SUMF1: variants seen among roughly 807,000 people sequenced by gnomAD.
The protein encoded by SUMF1 is formylglycine-generating enzyme.
A neutral mutation model predicts 47.6 loss-of-function variants in SUMF1; 48 were observed. The observed-to-expected ratio is 1.01, with a 90% CI of 0.80 to 1.28. The LOEUF (loss-of-function observed/expected upper bound fraction) is 1.28. Among genes scored for constraint, SUMF1 ranks in the 50% most tolerant of loss-of-function variants. The pLI is 0.00. For missense variants in SUMF1, 571 were observed against 485.4 expected, an observed-to-expected ratio of 1.18 and a Z score of -1.66; for synonymous variants, 230 against 192.1, an observed-to-expected ratio of 1.20 and a Z score of -1.63.
intron 8 of SUMF1, among the ~76,000 whole-genome samples, chr3:4,265,626 T>A (rs1697176489): frequency 6.6e-6 from 1 of 152,294 alleles, no homozygotes; most frequent in South Asian, 2.1e-4. Context: ...ATTCTGGATA[T>A]TAGCCCTTTG....
intron 8 of SUMF1, among the ~76,000 whole-genome samples, chr3:4,296,467 G>C (rs1201729677): frequency 2.1e-5 from 3 of 145,286 alleles, no homozygotes; most frequent in Non-Finnish European, 3.1e-5. Flanking sequence ...TGGACTCACA[G>C]TTTCACATGG....
chr3:4,420,833 C>T (rs1701875415), intron 3 of SUMF1, among the ~76,000 whole-genome samples: 1 of 152,144 alleles, frequency 6.6e-6, no homozygotes, highest in Admixed American at 6.5e-5. Context: ...TAAAGGTCAA[C>T]CATGGTGGTC....
chr3:4,254,299 A>G (rs1184312208), intron 8 of SUMF1, among the ~76,000 whole-genome samples: 8 of 151,944 alleles, frequency 5.3e-5, no homozygotes, highest in South Asian at 2.1e-4. Flanking sequence ...AAGGCTTCAG[A>G]CGATCAAATT....
At chr3:4,184,780 C>T (rs1270111154) in intron 8 of SUMF1, among the ~76,000 whole-genome samples, 2 of 151,442 alleles carry the variant, frequency 1.3e-5, no homozygotes, top group African/African-American at 2.4e-5. Context: ...TCTTGAGTAG[C>T]TGGGATTACA....
chr3:4,040,118 A>G (rs1349068595), intron 9 of SUMF1, among the ~76,000 whole-genome samples: 1 of 152,180 alleles, frequency 6.6e-6, no homozygotes, highest in African/African-American at 2.4e-5. Flanking sequence ...AAGGTGATAG[A>G]TATGTTGATT....
rs185477765 is a variant in SUMF1, at chr3:4,242,047, G to C, written c.1014+134283C>G. Reference sequence around the variant, plus strand: ...AAAAGGGAAGATAGCTGGCTCGTTGGTCTAGGGGTATGATCCTTGCCCTCT... The same window carrying C: ...AAAAGGGAAGATAGCTGGCTCGTTGCTCTAGGGGTATGATCCTTGCCCTCT... On this transcript the variant is annotated intron_variant and NMD_transcript_variant, in intron 8 of 12. Coordinates refer to the SUMF1 transcript ENST00000448413. Among the ~76,000 whole-genome samples, 434 of 152,262 alleles carry C rather than the reference G, an allele frequency of 2.9e-3. 9 individuals carry two copies. Among genetic ancestry groups the C allele is most frequent in the Admixed American group, 0.025 (379 of 15,284 alleles).
At chr3:4,252,228 T>C (rs1348511660) in intron 8 of SUMF1, among the ~76,000 whole-genome samples, 1 of 152,204 alleles carries the variant, frequency 6.6e-6, no homozygotes, top group Non-Finnish European at 1.5e-5. Flanking sequence ...GGTTGCCCCA[T>C]GTCCTCTTCT....
At chr3:4,179,111 C>T (rs1639424805) in intron 8 of SUMF1, among the ~76,000 whole-genome samples, 1 of 151,990 alleles carries the variant, frequency 6.6e-6, no homozygotes, top group Non-Finnish European at 1.5e-5. Flanking sequence ...AAACACTGCC[C>T]AAAGTAATTT....
At chr3:4,078,223 C>T (rs571059201) in intron 8 of SUMF1, among the ~76,000 whole-genome samples, 11 of 152,108 alleles carry the variant, frequency 7.2e-5, no homozygotes, top group Non-Finnish European at 1.5e-4. Flanking sequence ...ATGGGCATCC[C>T]TCAAAATCAA....
intron 8 of SUMF1, among the ~76,000 whole-genome samples, chr3:4,094,365 G>GC (rs1167556034): frequency 2.0e-5 from 3 of 151,984 alleles, no homozygotes; most frequent in African/African-American, 7.3e-5. Flanking sequence ...TGAACTTAGA[G>GC]CTTACTAGGG....
chr3:4,408,711 CTG>C (rs1701449040), intron 7 of SUMF1, among the ~76,000 whole-genome samples: 1 of 152,168 alleles, frequency 6.6e-6, no homozygotes, highest in South Asian at 2.1e-4. Context: ...TGGCTCACAC[CTG>C]TAATCCCAGA....
At chr3:4,464,688 T>C (rs201352569) in intron 1 of SUMF1, among the ~76,000 whole-genome samples, 1 of 152,198 alleles carries the variant, frequency 6.6e-6, no homozygotes, top group Admixed American at 6.5e-5. Context: ...GTGTCAGAAT[T>C]AGACCAAAGT....
At chr3:4,403,715 G>A (rs1701286968) in intron 7 of SUMF1, among the ~76,000 whole-genome samples, 1 of 152,204 alleles carries the variant, frequency 6.6e-6, no homozygotes, top group Non-Finnish European at 1.5e-5. Context: ...GAGAACATCT[G>A]ACAATGCAGT....
chr3:4,463,284 G>C (rs1344713563), intron 1 of SUMF1, among the ~76,000 whole-genome samples: 1 of 152,210 alleles, frequency 6.6e-6, no homozygotes, highest in Non-Finnish European at 1.5e-5. Flanking sequence ...GAAGTCAAAA[G>C]ATCGAGACAA....
chr3:4,117,170 T>A (rs997831200), intron 8 of SUMF1, among the ~76,000 whole-genome samples: 7 of 152,156 alleles, frequency 4.6e-5, no homozygotes, highest in African/African-American at 1.7e-4. Flanking sequence ...AGGGGAATTA[T>A]GGCTTTTTTA....
Position 4,066,131 on chromosome 3 carries a change from C to G in SUMF1, c.1191+2438G>C, listed in dbSNP as rs553321400. ...ATCTGGAAGGGAAACAGAAGACATTCAGCACAGTCCATCCCTCCCCCAGCA... is the reference window on the plus strand; with the variant it reads ...ATCTGGAAGGGAAACAGAAGACATTGAGCACAGTCCATCCCTCCCCCAGCA... On this transcript the variant is annotated intron_variant and NMD_transcript_variant, in intron 9 of 12. Transcript: ENST00000448413. Among the ~76,000 whole-genome samples the G allele has an allele frequency of 1.4e-4, 22 of 152,114 alleles. No homozygotes were observed. In the South Asian group the frequency reaches 4.4e-3, roughly 30 times the overall value.
Position 4,339,000 on chromosome 3 carries a change from G to C in SUMF1, c.1014+37330C>G, listed in dbSNP as rs564297528. ...GCTGACTGAGCCAACTAATGTTAGTGTGATGAGCCTGACGTTAACTTTCCA... is the reference window on the plus strand; with the variant it reads ...GCTGACTGAGCCAACTAATGTTAGTCTGATGAGCCTGACGTTAACTTTCCA... On this transcript the variant is annotated intron_variant and NMD_transcript_variant, in intron 8 of 12. Transcript: ENST00000448413. Among the ~76,000 whole-genome samples the C allele has an allele frequency of 3.9e-5, 6 of 152,298 alleles. No individual in the cohort carries two copies. In the South Asian group the frequency reaches 1.2e-3, roughly 32 times the overall value.
intron 8 of SUMF1, among the ~76,000 whole-genome samples, chr3:4,281,207 T>C (rs910991696): frequency 1.3e-5 from 2 of 152,164 alleles, no homozygotes; most frequent in African/African-American, 2.4e-5. Flanking sequence ...GTGCAGCTGA[T>C]ACAAGCCACA....
At chr3:4,316,963 G>T in intron 8 of SUMF1, 1 of 1,549,380 alleles carries the variant, frequency 6.5e-7, no homozygotes, top group South Asian at 1.2e-5. Context: ...GACAATGCCC[G>T]ACCGCATGTT....
Sources: gnomAD v4.1 joint callset for allele counts (sites outside exome capture counted in the v4.1 genomes callset) on GRCh38, gnomAD v4.1.1 for gene constraint, MANE v1.5 for transcripts, NCBI Gene and HGNC (gene_info 2026-07-23, HGNC 2026-07-21) for gene names.